FMNL2: variants seen among roughly 807,000 people sequenced by gnomAD.
FMNL2 encodes the protein formin like 2.
A neutral mutation model predicts 130.2 loss-of-function variants in FMNL2; 51 were observed. The ratio of observed to expected loss-of-function variants is 0.39; its 90% confidence interval spans 0.31 to 0.49. FMNL2 has a LOEUF of 0.49. Ranked by LOEUF, FMNL2 falls within the 20% of genes least tolerant of loss-of-function variation. The pLI, the probability that FMNL2 is intolerant of heterozygous loss-of-function variation, is 0.85. For synonymous variants in FMNL2, 465 were observed against 467.1 expected (o/e 1.00, Z 0.06); for missense variants, 977 against 1,316.2 (o/e 0.74, Z 3.99).
chr2:152,620,852 C>G, intron 15 of FMNL2: 1 of 853,906 alleles, frequency 1.2e-6, no homozygotes, highest in Non-Finnish European at 1.4e-6. Context: ...ACCCCGACTT[C>G]TATATAAAAC....
At chr2:152,408,828 G>C (rs1042471139) in intron 1 of FMNL2, among the ~76,000 whole-genome samples, 10 of 152,132 alleles carry the variant, frequency 6.6e-5, no homozygotes, top group Non-Finnish European at 1.3e-4. Context: ...ATGGTCGTAT[G>C]GGTACTGGAA....
chr2:152,486,981 T>C (rs1690864640), intron 1 of FMNL2, among the ~76,000 whole-genome samples: 1 of 152,222 alleles, frequency 6.6e-6, no homozygotes, highest in South Asian at 2.1e-4. Context: ...GTTATATTAA[T>C]TTAATAGGCA....
At chr2:152,556,700 A>G (rs988808566) in intron 4 of FMNL2, among the ~76,000 whole-genome samples, 1 of 152,166 alleles carries the variant, frequency 6.6e-6, no homozygotes, top group Non-Finnish European at 1.5e-5. Flanking sequence ...GGTGCCTGCC[A>G]GTAGTTGACA....
intron 1 of FMNL2, among the ~76,000 whole-genome samples, chr2:152,364,986 A>G (rs536992506): frequency 5.0e-4 from 76 of 152,382 alleles, no homozygotes; most frequent in African/African-American, 1.8e-3. Flanking sequence ...CCACCTATGT[A>G]TTGCACACCT....
At chr2:152,535,966 CAA>C (rs1202968672) in intron 2 of FMNL2, among the ~76,000 whole-genome samples, 1 of 152,218 alleles carries the variant, frequency 6.6e-6, no homozygotes, top group Non-Finnish European at 1.5e-5. Context: ...TTGGGGGAAA[CAA>C]TGAGCATGCA....
intron 1 of FMNL2, among the ~76,000 whole-genome samples, chr2:152,436,686 C>T (rs933066347): frequency 2.0e-5 from 3 of 152,064 alleles, no homozygotes; most frequent in African/African-American, 2.4e-5. Context: ...CTGGAAGTGA[C>T]GTATATCACT....
intron 1 of FMNL2, among the ~76,000 whole-genome samples, chr2:152,517,232 A>G (rs1371673943): frequency 6.6e-6 from 1 of 152,156 alleles, no homozygotes; most frequent in African/African-American, 2.4e-5. Flanking sequence ...ATGATGTTTT[A>G]CAAGAAACTG....
rs568369348 is a variant in FMNL2 at position 152,578,343 on chromosome 2, A to G, written c.706-545A>G. 2.6e-5 allele frequency among the ~76,000 whole-genome samples: 4 copies of G among 152,296 alleles called. No homozygotes were observed. The South Asian group carries it at 8.3e-4, about 32-fold the overall frequency. The stretch of plus-strand genomic sequence containing the variant: ...CCAGTAGCATAAAGTCTGTTAACAC[A>G]CATTTTGTATGTTATATCTATTGTA... On this transcript the variant is annotated intron_variant, in intron 7 of 25. Transcript: ENST00000288670.
intron 9 of FMNL2, among the ~76,000 whole-genome samples, chr2:152,588,578 C>T (rs1026071406): frequency 1.5e-4 from 23 of 152,006 alleles, no homozygotes; most frequent in Admixed American, 1.3e-4. Flanking sequence ...GACATCCTGG[C>T]GGGTAGGAGG....
At chr2:152,363,082 T>A (rs1452325350) in intron 1 of FMNL2, among the ~76,000 whole-genome samples, 1 of 152,210 alleles carries the variant, frequency 6.6e-6, no homozygotes. Context: ...GGTTTCTCAC[T>A]GAAGCGATGA....
At chr2:152,396,761 C>G (rs1685417731) in intron 1 of FMNL2, among the ~76,000 whole-genome samples, 1 of 152,124 alleles carries the variant, frequency 6.6e-6, no homozygotes, top group African/African-American at 2.4e-5. Context: ...TATAGATGTT[C>G]TTTTGTCTTA....
chr2:152,622,389 GA>G (rs1681402905), intron 15 of FMNL2: 2 of 428,846 alleles, frequency 4.7e-6, no homozygotes, highest in African/African-American at 4.1e-5. Flanking sequence ...GGCCTGAATG[GA>G]AATGAATTTT....
chr2:152,335,820 C>A, intron 1 of FMNL2, 100 bp downstream of exon 1: 1 of 823,252 alleles, frequency 1.2e-6, no homozygotes, highest in Non-Finnish European at 1.8e-6. Context: ...CGGGAGCGAG[C>A]CTCCATTCCC....
rs147034085 is a variant in FMNL2, at chr2:152,480,353, A to T, written c.118-41590A>T. ...TCTAAATTAAAAATAACTCTGGGCCAAGCGCAGTGGCTCACGCCTGTAATC... is the reference window on the plus strand; with the variant it reads ...TCTAAATTAAAAATAACTCTGGGCCTAGCGCAGTGGCTCACGCCTGTAATC... On this transcript the variant is annotated intron_variant, in intron 1 of 25. Coordinates refer to ENST00000288670, the MANE Select transcript of FMNL2 (RefSeq NM_052905.4). 4.6e-3 allele frequency among the ~76,000 whole-genome samples: 706 copies of T among 152,298 alleles called. 7 individuals carry two copies. The highest frequency in any genetic ancestry group is 0.016 in the African/African-American group (679 of 41,556).
At chr2:152,621,053 A>G (rs777565815) in intron 15 of FMNL2, 9 of 985,196 alleles carry the variant, frequency 9.1e-6, no homozygotes, top group Non-Finnish European at 9.6e-6. Flanking sequence ...AAGAAACCTC[A>G]TATCAAGCCC....
At chr2:152,438,889 A>G (rs1687912481) in intron 1 of FMNL2, among the ~76,000 whole-genome samples, 1 of 152,212 alleles carries the variant, frequency 6.6e-6, no homozygotes, top group Admixed American at 6.5e-5. Flanking sequence ...TTACTTTATA[A>G]AAATGCCATA....
At chr2:152,506,473 A>G (rs187090482) in intron 1 of FMNL2, among the ~76,000 whole-genome samples, 1 of 152,348 alleles carries the variant, frequency 6.6e-6, no homozygotes, top group East Asian at 1.9e-4. Flanking sequence ...TTGTTATACT[A>G]TATTGTTTAG....
intron 1 of FMNL2, among the ~76,000 whole-genome samples, chr2:152,348,524 C>T (rs34424354): frequency 0.057 from 8,669 of 152,240 alleles, 543 homozygotes; most frequent in Admixed American, 0.2. Flanking sequence ...CTATTAATTG[C>T]ACATAACTTG....
In FMNL2 at chr2:152,639,984, GA is replaced by G. The variant is rs1195702229; in HGVS notation, c.2978del (p.Lys993SerfsTer11). 1 of 1,558,436 alleles carries G rather than the reference GA, an allele frequency of 6.4e-7. No homozygotes were observed. The highest frequency in any genetic ancestry group is 8.7e-7 in the Non-Finnish European group (1 of 1,151,584). ...AAGCAGAAGAGGAAAATGAGCTGAG[GA>G]AAAAGCAGGAACAAGCTCTCATGGA... ...KQAEEENELR[K>X]KQEQALMEKL... On this transcript the variant is annotated frameshift_variant, in exon 24 of 26. Coordinates refer to ENST00000288670, the MANE Select transcript of FMNL2 (RefSeq NM_052905.4). LOFTEE classifies it high-confidence loss of function.
Sources: gnomAD v4.1 joint callset for allele counts (sites outside exome capture counted in the v4.1 genomes callset) on GRCh38, gnomAD v4.1.1 for gene constraint, MANE v1.5 for transcripts, NCBI Gene and HGNC (gene_info 2026-07-23, HGNC 2026-07-21) for gene names.